The following CACNA1A variants were observed in gnomAD, a reference collection of about 807,000 sequenced individuals.
CACNA1A encodes the protein calcium voltage-gated channel subunit alpha1 A.
CACNA1A carries 57 observed loss-of-function variants against 262.4 expected under a neutral mutation model. That is an observed-to-expected ratio of 0.22 (90% confidence interval 0.18 to 0.27). CACNA1A has a LOEUF of 0.27. Among genes scored for constraint, CACNA1A ranks in the 10% least tolerant of loss-of-function variants. The probability of loss-of-function intolerance (pLI) is 1.00; values close to 1 mark genes in which losing one functional copy is unlikely to be tolerated. For missense variants in CACNA1A, 2,526 were observed against 3,562.8 expected (o/e 0.71, Z 7.41); for synonymous variants, 1,431 against 1,419.3 (o/e 1.01, Z -0.18).
chr19:13,208,916 T>C lies in CACNA1A; in HGVS notation c.6620A>G (p.His2207Arg), dbSNP rs1402235907. 1 of 1,537,018 alleles carries C rather than the reference T, an allele frequency of 6.5e-7. No homozygotes were observed. The highest frequency in any genetic ancestry group is 8.7e-7 in the Non-Finnish European group (1 of 1,146,808). The change falls in exon 46 of 47, where the codon CAT becomes CGT. Residue 2207 changes from histidine to arginine, a missense_variant. This residue lies in a region of CACNA1A where 929 missense variants were observed against 868.1 expected (regional missense o/e 1.07). Transcript: ENST00000360228. The stretch of plus-strand genomic sequence containing the variant: ...GTGGTGGTGGTGGTGGTGCTGTCGA[T>C]GCTTCCGATCCTTGGGCCGGCCCCG... ...QERGRPKDRKHRQHHHHHHHH... is the reference protein window; with the variant it reads ...QERGRPKDRKRRQHHHHHHHH...
At chr19:13,442,152 A>G (rs374922376) in intron 3 of CACNA1A, among the ~76,000 whole-genome samples, 11 of 152,194 alleles carry the variant, frequency 7.2e-5, no homozygotes, top group East Asian at 3.9e-4. Context: ...GGCAAAAACT[A>G]GGGTCCAATG....
intron 3 of CACNA1A, among the ~76,000 whole-genome samples, chr19:13,409,627 C>A (rs1244742454): frequency 1.3e-5 from 2 of 152,162 alleles, no homozygotes; most frequent in African/African-American, 4.8e-5. Flanking sequence ...CTCACTGCAA[C>A]CTCCACCTTC....
chr19:13,440,795 G>A (rs1267547705), intron 3 of CACNA1A, among the ~76,000 whole-genome samples: 1 of 152,176 alleles, frequency 6.6e-6, no homozygotes, highest in Non-Finnish European at 1.5e-5. Flanking sequence ...TAAGGTGGTA[G>A]TATTTTGTTG....
At chr19:13,388,508 G>A (rs976153970) in intron 3 of CACNA1A, among the ~76,000 whole-genome samples, 5 of 151,934 alleles carry the variant, frequency 3.3e-5, no homozygotes, top group African/African-American at 7.3e-5. Flanking sequence ...CACCTGCCTC[G>A]CCCTCGCAAA....
intron 5 of CACNA1A, among the ~76,000 whole-genome samples, chr19:13,361,013 G>A (rs1164806360): frequency 6.6e-6 from 1 of 152,166 alleles, no homozygotes; most frequent in Admixed American, 6.5e-5. Context: ...CCGTGTGCAT[G>A]GTGTAGCTGG....
chr19:13,476,200 G>A (rs1334936537), intron 1 of CACNA1A, among the ~76,000 whole-genome samples: 1 of 152,176 alleles, frequency 6.6e-6, no homozygotes, highest in Non-Finnish European at 1.5e-5. Flanking sequence ...ACAAGAGTTG[G>A]ATGATGTTCC....
intron 24 of CACNA1A, among the ~76,000 whole-genome samples, chr19:13,269,880 C>T (rs2056972030): frequency 6.6e-6 from 1 of 152,194 alleles, no homozygotes; most frequent in South Asian, 2.1e-4. Context: ...AGTTTTCTCC[C>T]ATATCGGAGA....
chr19:13,226,770 G>A (rs2055465799), intron 37 of CACNA1A, among the ~76,000 whole-genome samples: 1 of 152,202 alleles, frequency 6.6e-6, no homozygotes, highest in Admixed American at 6.5e-5. Context: ...CCGTCCAGGG[G>A]TCCAGCTGCG....
chr19:13,330,693 C>T (rs1316897318), intron 9 of CACNA1A, among the ~76,000 whole-genome samples: 7 of 152,092 alleles, frequency 4.6e-5, no homozygotes, highest in Non-Finnish European at 5.9e-5. Context: ...TGAGTTCAAG[C>T]GATTCTCCTC....
chr19:13,438,435 C>T (rs1037068760), intron 3 of CACNA1A, among the ~76,000 whole-genome samples: 5 of 152,250 alleles, frequency 3.3e-5, no homozygotes, highest in African/African-American at 9.6e-5. Flanking sequence ...ATTGCTGCCA[C>T]GTGAACTAGC....
intron 3 of CACNA1A, among the ~76,000 whole-genome samples, chr19:13,420,252 C>T (rs1463678399): frequency 6.6e-6 from 1 of 151,348 alleles, no homozygotes; most frequent in Non-Finnish European, 1.5e-5. Context: ...CACAGAAAGG[C>T]TCGCTCTCTC....
chr19:13,347,234 T>G (rs2058808953), intron 6 of CACNA1A, among the ~76,000 whole-genome samples: 1 of 147,012 alleles, frequency 6.8e-6, no homozygotes, highest in Non-Finnish European at 1.5e-5. Context: ...AATTTTTAAA[T>G]TTTTTTTTTT....
At chr19:13,499,905 G>C (rs1057062529) in intron 1 of CACNA1A, among the ~76,000 whole-genome samples, 1 of 151,936 alleles carries the variant, frequency 6.6e-6, no homozygotes, top group Non-Finnish European at 1.5e-5. Flanking sequence ...CCACCTTCCC[G>C]GCGGTGCTTT....
In CACNA1A at chr19:13,334,457, C is replaced by T; in HGVS notation, c.1119G>A (p.Arg373=). Residue 373 remains arginine (R), a synonymous_variant, in exon 8 of 47, where the codon CGG becomes CGA. Coordinates refer to ENST00000360228, the MANE Select transcript of CACNA1A (RefSeq NM_001127222.2). ...GCCGCCTCAGCTTCAGAAAAGCCCG[C>T]CGGTTCTCCACCCGTTCCCTTTCTT... is the stretch of plus-strand genomic sequence containing the variant. ...FAKERERVEN[R]RAFLKLRRQQ... The T allele has an allele frequency of 6.2e-7, 1 of 1,612,966 alleles. No homozygotes were observed.
At chr19:13,457,108 G>A (rs747663955) in intron 1 of CACNA1A, among the ~76,000 whole-genome samples, 22 of 152,116 alleles carry the variant, frequency 1.4e-4, no homozygotes, top group Middle Eastern at 3.4e-3. Context: ...AAAATTAGCC[G>A]GGCATAGTGG....
rs538455992 is a variant in CACNA1A at position 13,338,214 on chromosome 19, C to CAA, written c.979-2307_979-2306dup. ...TGGGCAACAGAGCGAGACTTCGTCT[C>CAA]AAAAAAAAAAGAATCTAAAAACAGA... On this transcript the variant is annotated intron_variant, in intron 6 of 46. Transcript: ENST00000360228. Among the ~76,000 whole-genome samples, 227 of 145,954 alleles carry CAA rather than the reference C, an allele frequency of 1.6e-3. 1 individual carries two copies. Among genetic ancestry groups the CAA allele is most frequent in the Admixed American group, 3.7e-3 (54 of 14,636 alleles).
At chr19:13,415,287 T>C (rs892064088) in intron 3 of CACNA1A, among the ~76,000 whole-genome samples, 8 of 150,832 alleles carry the variant, frequency 5.3e-5, no homozygotes, top group Non-Finnish European at 8.9e-5. Flanking sequence ...GGAAGGGAGA[T>C]AGACGCAATC....
rs1015137079 is a variant in CACNA1A, at chr19:13,207,893, TGCTGCG to T, written c.6935_6940del (p.Pro2312_Gln2313del). 6 of 1,342,912 alleles carry T rather than the reference TGCTGCG, an allele frequency of 4.5e-6. No homozygotes were observed. Among genetic ancestry groups the T allele is most frequent in the Middle Eastern group, 2.7e-4 (1 of 3,676 alleles). 83.2% of individuals were successfully genotyped at this position (1,342,912 alleles called of 1,614,324 possible). ...CTGCTGCTGCTGCTGCTGCTGCTGCTGCTGCGGGGGCCCCGAGCCGCCGGCCTTACG... is the reference window on the plus strand; with the variant it reads ...CTGCTGCTGCTGCTGCTGCTGCTGCTGGGGCCCCGAGCCGCCGGCCTTACG... On this transcript the variant is annotated inframe_deletion, in exon 47 of 47. Coordinates refer to ENST00000360228, the MANE Select transcript of CACNA1A (RefSeq NM_001127222.2). This position sits in a 1 kb window ranked among gnomAD's most constrained non-coding sequence, Gnocchi z 5.7.
intron 3 of CACNA1A, among the ~76,000 whole-genome samples, chr19:13,414,169 T>C (rs548906717): frequency 6.6e-6 from 1 of 151,774 alleles, no homozygotes; most frequent in East Asian, 1.9e-4. Flanking sequence ...GAAACTGCAA[T>C]GAACTTTGAG....
Sources: gnomAD v4.1 joint callset for allele counts (sites outside exome capture counted in the v4.1 genomes callset) on GRCh38, gnomAD v4.1.1 for gene constraint, gnomAD v4.1.1 regional missense constraint, Gnocchi (gnomAD v3.1) non-coding constraint, MANE v1.5 for transcripts, NCBI Gene and HGNC (gene_info 2026-07-23, HGNC 2026-07-21) for gene names.